The following EIF2B1 variants were observed in gnomAD, a reference collection of about 807,000 sequenced individuals.
The protein encoded by EIF2B1 is eukaryotic translation initiation factor 2B subunit alpha, also known as translation initiation factor eIF2B subunit alpha.
Under a neutral mutation model 36.8 loss-of-function variants are expected in EIF2B1, and 30 were observed. The observed-to-expected ratio is 0.81, with a 90% CI of 0.61 to 1.10. The LOEUF is 1.10. Ranked by LOEUF, EIF2B1 falls within the 50% of genes least tolerant of loss-of-function variation. EIF2B1 has a pLI of 0.00. For synonymous variants in EIF2B1, 139 were observed against 142.2 expected (o/e 0.98, Z 0.16); for missense variants, 271 against 374.8 (o/e 0.72, Z 2.29).
chr12:123,630,052 G>T lies in EIF2B1; in HGVS notation c.369+117C>A. 1.2e-6 allele frequency: 1 copy of T among 865,946 alleles called. No homozygotes were observed. Among genetic ancestry groups the T allele is most frequent in the Non-Finnish European group, 2.0e-6 (1 of 509,686 alleles). 53.6% of individuals were successfully genotyped at this position (865,946 alleles called of 1,614,324 possible). ...ACAGATGAGAAAGCTGCACAGACAG[G>T]TTAAGTTACTTGTTCAAGTCTCCAC... is the stretch of plus-strand genomic sequence containing the variant. On this transcript the variant is annotated intron_variant, in intron 4 of 8. Coordinates refer to ENST00000424014, the MANE Select transcript of EIF2B1 (RefSeq NM_001414.4). This position sits in a 1 kb window ranked among gnomAD's most constrained non-coding sequence, Gnocchi z 4.6.
intron 7 of EIF2B1, among the ~76,000 whole-genome samples, chr12:123,623,187 C>G (rs1180753728): frequency 3.9e-5 from 6 of 151,954 alleles, no homozygotes; most frequent in Non-Finnish European, 2.9e-5. Context: ...TTGAGACCAG[C>G]TGGCCAATAT....
At chr12:123,625,045 A>G (rs1334170985) in intron 6 of EIF2B1, among the ~76,000 whole-genome samples, 183 bp from the exon 7 acceptor site, 2 of 152,016 alleles carry the variant, frequency 1.3e-5, no homozygotes, top group Admixed American at 6.6e-5. Flanking sequence ...TTTTCTGGTC[A>G]TGACCCTACA....
chr12:123,627,188 A>G, intron 4 of EIF2B1, 32 bp from the exon 5 acceptor site: 2 of 1,554,918 alleles, frequency 1.3e-6, no homozygotes, highest in East Asian at 2.2e-5. Flanking sequence ...TCAAAGGGGC[A>G]GGCTCCTTGC....
chr12:123,633,426 G>T, intron 1 of EIF2B1, 119 bp downstream of exon 1: 1 of 1,473,128 alleles, frequency 6.8e-7, no homozygotes, highest in Non-Finnish European at 9.5e-7. Context: ...AACACAACCA[G>T]CGGAGCAGCC....
Position 123,621,381 on chromosome 12 carries a change from G to A in EIF2B1, c.*375C>T, listed in dbSNP as rs1326594840. 8.8e-6 allele frequency: 3 copies of A among 341,294 alleles called. No individual in the cohort carries two copies. Among genetic ancestry groups the A allele is most frequent in the Non-Finnish European group, 5.7e-6 (1 of 174,428 alleles). The allele number at this position is 341,294 out of a possible 1,614,324, so 21.1% of individuals were successfully genotyped here. On this transcript the variant is annotated 3_prime_UTR_variant, in exon 9 of 9. Coordinates refer to ENST00000424014, the MANE Select transcript of EIF2B1 (RefSeq NM_001414.4). ...TGGTCATTTGTGGCAGAGGGGTGTGGCTGCTTTTCGCCTGCATCTCGCGTG... is the reference window on the plus strand; with the variant it reads ...TGGTCATTTGTGGCAGAGGGGTGTGACTGCTTTTCGCCTGCATCTCGCGTG...
rs1329710954 is a variant in EIF2B1 at position 123,630,492 on chromosome 12, T to C, written c.157A>G (p.Ile53Val). 6.2e-7 allele frequency: 1 copy of C among 1,613,866 alleles called. No individual in the cohort carries two copies. The highest frequency in any genetic ancestry group is 8.5e-7 in the Non-Finnish European group (1 of 1,179,970). ...QGLRANLTSA[I>V]ETLCGVDSSV... ...GAGTCCACACCACACAGGGTTTCTA[T>C]GGCACTGGTGAGATTCGCCCTCAGA... Residue 53 changes from isoleucine to valine, a missense_variant, in exon 3 of 9, where the codon ATA (isoleucine) becomes GTA (valine). Ile to Val is a conservative substitution (Grantham distance 29, BLOSUM62 3). Coordinates refer to ENST00000424014, the MANE Select transcript of EIF2B1 (RefSeq NM_001414.4). This position sits in a 1 kb window ranked among gnomAD's most constrained non-coding sequence, Gnocchi z 4.6.
intron 4 of EIF2B1, among the ~76,000 whole-genome samples, chr12:123,629,728 G>A (rs1312387964): frequency 6.6e-6 from 1 of 152,198 alleles, no homozygotes; most frequent in Non-Finnish European, 1.5e-5. Context: ...AGGAGGCGGA[G>A]CTTGCAGTGA....
Position 123,621,690 on chromosome 12 carries a change from T to A in EIF2B1, c.*66A>T, listed in dbSNP as rs933973402. 46 of 1,602,056 alleles carry A rather than the reference T, an allele frequency of 2.9e-5. No individual in the cohort carries two copies. In the African/African-American group the frequency reaches 5.0e-4, roughly 17 times the overall value. ...TCAGTTTTGGCCTGACTCACTGGGGTGTCAAGCAGCTACTCACCCTGCCTC... is the reference window on the plus strand; with the variant it reads ...TCAGTTTTGGCCTGACTCACTGGGGAGTCAAGCAGCTACTCACCCTGCCTC... On this transcript the variant is annotated 3_prime_UTR_variant, in exon 9 of 9. Transcript: ENST00000424014.
intron 5 of EIF2B1, 139 bp downstream of exon 5, chr12:123,626,905 A>C (rs1257544091): frequency 1.3e-6 from 1 of 791,616 alleles, no homozygotes; most frequent in African/African-American, 1.7e-5. Context: ...TTCCAAAGGC[A>C]GGAAAAGGTA....
At position 123,622,696 on chromosome 12, in the gene EIF2B1, T is replaced by C; in HGVS notation, c.693A>G (p.Glu231=). ...GAAAGAGCCGGACAAACTTGAAACT[T>C]TCTGCAACCACATAGAAAGGTTTGT... is the stretch of plus-strand genomic sequence containing the variant. The part of the protein sequence containing the change: ...AQNKPFYVVA[E]SFKFVRLFPL... The change falls in exon 8 of 9, where the codon GAA becomes GAG. Residue 231 remains glutamate, a synonymous_variant. Coordinates refer to ENST00000424014, the MANE Select transcript of EIF2B1 (RefSeq NM_001414.4). The C allele has an allele frequency of 4.3e-6, 7 of 1,614,224 alleles. No homozygotes were observed. The highest frequency in any genetic ancestry group is 4.2e-6 in the Non-Finnish European group (5 of 1,180,000).
chr12:123,623,350 C>T (rs1323790022), intron 7 of EIF2B1, among the ~76,000 whole-genome samples: 2 of 152,046 alleles, frequency 1.3e-5, no homozygotes, highest in Admixed American at 1.3e-4. Context: ...TGTGCCATTG[C>T]ACTCCAGCCT....
chr12:123,631,955 CAA>C (rs986243825), intron 2 of EIF2B1, among the ~76,000 whole-genome samples: 2 of 150,038 alleles, frequency 1.3e-5, no homozygotes, highest in Non-Finnish European at 3.0e-5. Flanking sequence ...GCCTGGGAGA[CAA>C]GAGCAAAACT....
chr12:123,630,749 A>C lies in EIF2B1; in HGVS notation c.116-216T>G, dbSNP rs1207598002. ...TAGAGGAAGCGGATAGTAAACAAGC[A>C]CACATAGAAATAAAGCTGGGTGGCT... On this transcript the variant is annotated intron_variant, in intron 2 of 8. Transcript: ENST00000424014. This position sits in a 1 kb window ranked among gnomAD's most constrained non-coding sequence, Gnocchi z 4.6. Among the ~76,000 whole-genome samples the C allele has an allele frequency of 1.3e-5, 2 of 152,214 alleles. No homozygotes were observed. The highest frequency in any genetic ancestry group is 4.8e-5 in the African/African-American group (2 of 41,448).
chr12:123,631,172 T>A (rs1434330600), intron 2 of EIF2B1, among the ~76,000 whole-genome samples: 1 of 152,228 alleles, frequency 6.6e-6, no homozygotes, highest in Non-Finnish European at 1.5e-5. Context: ...TACTGAAATT[T>A]ACGCATCATG....
rs1566213190 is a variant in EIF2B1 at position 123,621,561 on chromosome 12, T to C, written c.*195A>G. On this transcript the variant is annotated 3_prime_UTR_variant, in exon 9 of 9. Coordinates refer to ENST00000424014, the MANE Select transcript of EIF2B1 (RefSeq NM_001414.4). ...CGTAAGAACAATTTAAGTTGGGATT[T>C]AGAATAGCTGACACATTTTTAGATG... 1 of 664,056 alleles carries C rather than the reference T, an allele frequency of 1.5e-6. No individual in the cohort carries two copies. The highest frequency in any genetic ancestry group is 2.6e-6 in the Non-Finnish European group (1 of 389,822). The allele number at this position is 664,056 out of a possible 1,614,324, so 41.1% of individuals were successfully genotyped here.
intron 4 of EIF2B1, 107 bp from the exon 5 acceptor site, chr12:123,627,263 T>G: frequency 1.1e-6 from 1 of 870,934 alleles, no homozygotes; most frequent in Non-Finnish European, 1.9e-6. Flanking sequence ...CTGTACACTT[T>G]CTCACAAATC....
At chr12:123,632,270 T>TAAAA (rs373001833) in intron 2 of EIF2B1, 75 bp downstream of exon 2, 120 of 763,976 alleles carry the variant, frequency 1.6e-4, no homozygotes, top group South Asian at 2.0e-4. Context: ...TCCGTCTCTT[T>TAAAA]AAAAAAAAAA....
intron 8 of EIF2B1, 148 bp downstream of exon 8, chr12:123,622,488 A>T: frequency 8.9e-7 from 1 of 1,128,474 alleles, no homozygotes; most frequent in Non-Finnish European, 1.3e-6. Flanking sequence ...CAAATGTGTG[A>T]GTCCAATCAC....
At chr12:123,627,550 C>T (rs753029757) in intron 4 of EIF2B1, among the ~76,000 whole-genome samples, 34 of 152,264 alleles carry the variant, frequency 2.2e-4, no homozygotes, top group South Asian at 2.1e-4. Context: ...AGCAGCAAAG[C>T]GAAAGGCTAC....
Sources: allele counts gnomAD v4.1 joint callset (sites outside exome capture counted in the v4.1 genomes callset), GRCh38; gene constraint gnomAD v4.1.1; non-coding constraint Gnocchi (gnomAD v3.1); transcripts MANE v1.5; gene names NCBI Gene and HGNC (gene_info 2026-07-23, HGNC 2026-07-21).